Variants in NAV1 observed in about 807,000 individuals in gnomAD.
NAV1 encodes neuron navigator 1, also known as pore membrane and/or filament interacting like protein 3.
In NAV1, 18 loss-of-function variants were observed where a neutral mutation model predicts 175.2. The observed-to-expected ratio is 0.10, with a 90% CI of 0.07 to 0.15. The LOEUF (loss-of-function observed/expected upper bound fraction) is 0.15. Among genes scored for constraint, NAV1 ranks in the 10% least tolerant of loss-of-function variants. The probability of loss-of-function intolerance (pLI) is 1.00; values close to 1 mark genes in which losing one functional copy is unlikely to be tolerated. For missense variants in NAV1, 1,731 were observed against 2,436.6 expected (o/e 0.71, Z 6.10); for synonymous variants, 897 against 978.7 (o/e 0.92, Z 1.56).
chr1:201,563,877 A>G (rs1666277237), intron 1 of NAV1, among the ~76,000 whole-genome samples: 1 of 152,122 alleles, frequency 6.6e-6, no homozygotes, highest in Non-Finnish European at 1.5e-5. Flanking sequence ...GGAGAATCAC[A>G]TCAGCCAAAG....
At position 201,780,323 on chromosome 1, in the gene NAV1, T is replaced by C. The variant is rs1676234661; in HGVS notation, c.1227-98T>C. The C allele has an allele frequency of 1.7e-5, 24 of 1,453,104 alleles. No individual in the cohort carries two copies. The South Asian group carries it at 2.2e-4, about 14-fold the overall frequency. 90.0% of individuals were successfully genotyped at this position (1,453,104 alleles called of 1,614,324 possible). ...AGGTTTTCTCCTTTTGGCTAGCCTA[T>C]ATACTGGTGCAGAGCCATTCTTGCA... On this transcript the variant is annotated intron_variant, in intron 3 of 29. Transcript: ENST00000367296.
intron 3 of NAV1, among the ~76,000 whole-genome samples, chr1:201,735,404 G>A (rs1673074702): frequency 6.6e-6 from 1 of 152,238 alleles, no homozygotes; most frequent in Non-Finnish European, 1.5e-5. Context: ...CATGAACTGG[G>A]TCTGATCCAG....
At chr1:201,789,713 A>C (rs751450694) in intron 10 of NAV1, 27 bp from the exon 15 acceptor site, 2 of 1,612,938 alleles carry the variant, frequency 1.2e-6, no homozygotes, top group South Asian at 2.2e-5. Context: ...CCCACTGTTA[A>C]CTCTTTGTGT....
intron 3 of NAV1, among the ~76,000 whole-genome samples, chr1:201,752,808 G>A (rs1008354362): frequency 1.3e-5 from 2 of 152,148 alleles, no homozygotes; most frequent in African/African-American, 4.8e-5. Context: ...ATTGTGCAAA[G>A]ACATCCAGAT....
chr1:201,782,795 A>G lies in NAV1; in HGVS notation c.2283A>G (p.Pro761=). ...TCTCCTTGAAGAGTATTGGCTCCCCAGAAAGTACTCCCAAGAACCAAGCAA... is the reference window on the plus strand; with the variant it reads ...TCTCCTTGAAGAGTATTGGCTCCCCGGAAAGTACTCCCAAGAACCAAGCAA... The change falls in exon 6 of 30, where the codon CCA becomes CCG. Residue 761 remains proline, a synonymous_variant. Coordinates refer to ENST00000367296, the Ensembl canonical transcript of NAV1. This position sits in a 1 kb window ranked among gnomAD's most constrained non-coding sequence, Gnocchi z 5.4. 1.2e-6 allele frequency: 2 copies of G among 1,613,532 alleles called. No homozygotes were observed. Among genetic ancestry groups the G allele is most frequent in the Non-Finnish European group, 1.7e-6 (2 of 1,179,686 alleles).
intron 1 of NAV1, among the ~76,000 whole-genome samples, chr1:201,696,894 G>A (rs1012225955): frequency 6.6e-6 from 1 of 152,122 alleles, no homozygotes; most frequent in South Asian, 2.1e-4. Flanking sequence ...TTCGTGTTTC[G>A]CACCATGCCT....
intron 15 of NAV1, among the ~76,000 whole-genome samples, chr1:201,800,658 T>C (rs1018101643): frequency 6.6e-6 from 1 of 152,148 alleles, no homozygotes; most frequent in Admixed American, 6.5e-5. Flanking sequence ...TCCCTTTCCC[T>C]GAGTCACCCC....
intron 1 of NAV1, among the ~76,000 whole-genome samples, chr1:201,711,041 A>G (rs968210348): frequency 4.6e-5 from 7 of 152,206 alleles, no homozygotes; most frequent in African/African-American, 1.7e-4. Context: ...CGAGTCTAAA[A>G]AATTGACCCT....
intron 1 of NAV1, among the ~76,000 whole-genome samples, chr1:201,670,314 G>A (rs1226310534): frequency 7.9e-5 from 11 of 139,860 alleles, no homozygotes; most frequent in African/African-American, 2.4e-4. Context: ...CTGGGAGGCC[G>A]AGTTTGCAGT....
chr1:201,655,434 T>C (rs1176191216), intron 1 of NAV1, among the ~76,000 whole-genome samples: 4 of 152,110 alleles, frequency 2.6e-5, no homozygotes, highest in African/African-American at 9.7e-5. Flanking sequence ...TTTTCTCTCA[T>C]GCACAGGAAG....
At chr1:201,811,804 G>C in intron 25 of NAV1, 47 bp downstream of exon 29, 1 of 1,607,492 alleles carries the variant, frequency 6.2e-7, no homozygotes, top group Non-Finnish European at 8.5e-7. Flanking sequence ...TGGGAGGAGG[G>C]AGAACCCAGT....
At chr1:201,772,608 A>G (rs1235741332) in intron 3 of NAV1, among the ~76,000 whole-genome samples, 1 of 152,200 alleles carries the variant, frequency 6.6e-6, no homozygotes, top group Non-Finnish European at 1.5e-5. Flanking sequence ...GTATTGCTTT[A>G]TGTATGTTGT....
chr1:201,712,956 C>A, intron 2 of NAV1, 37 bp downstream of exon 6: 1 of 1,469,644 alleles, frequency 6.8e-7, no homozygotes, highest in Non-Finnish European at 9.5e-7. Context: ...TGCCCTCTGC[C>A]TTCCTGGCTC....
At chr1:201,781,433 C>T (rs1039403757) in intron 5 of NAV1, 124 bp downstream of exon 9, 21 of 970,148 alleles carry the variant, frequency 2.2e-5, no homozygotes, top group Middle Eastern at 3.2e-4. Flanking sequence ...CAGACATTAT[C>T]TTATCTGGTC....
chr1:201,574,137 A>T (rs1666626901), intron 1 of NAV1, among the ~76,000 whole-genome samples: 1 of 152,210 alleles, frequency 6.6e-6, no homozygotes, highest in African/African-American at 2.4e-5. Context: ...TCTTCAGTGT[A>T]GAGGACTGGG....
chr1:201,686,191 C>G (rs1308874618), intron 1 of NAV1, among the ~76,000 whole-genome samples: 1 of 152,020 alleles, frequency 6.6e-6, no homozygotes, highest in Non-Finnish European at 1.5e-5. Flanking sequence ...AGGCACCCAT[C>G]TTTAGCACCT....
intron 29 of NAV1, among the ~76,000 whole-genome samples, chr1:201,819,015 G>A (rs1679232023): frequency 6.6e-6 from 1 of 152,124 alleles, no homozygotes; most frequent in Non-Finnish European, 1.5e-5. Flanking sequence ...GACGTGTCCA[G>A]AGAAAAAAGT....
chr1:201,785,636 G>C (rs915671448), intron 8 of NAV1, among the ~76,000 whole-genome samples: 3 of 152,136 alleles, frequency 2.0e-5, no homozygotes, highest in Middle Eastern at 3.4e-3. Context: ...CCCAATCCTG[G>C]CTGAGCTTCA....
At chr1:201,676,126 T>C (rs986058173) in intron 1 of NAV1, among the ~76,000 whole-genome samples, 5 of 152,150 alleles carry the variant, frequency 3.3e-5, no homozygotes, top group African/African-American at 1.2e-4. Context: ...AGGAGATAAT[T>C]CCAGCCCCTC....
Sources: allele counts gnomAD v4.1 joint callset (sites outside exome capture counted in the v4.1 genomes callset), GRCh38; gene constraint gnomAD v4.1.1; non-coding constraint Gnocchi (gnomAD v3.1); transcripts MANE v1.5; gene names NCBI Gene and HGNC (gene_info 2026-07-23, HGNC 2026-07-21).